Variants in TXNRD1 observed in about 807,000 individuals in gnomAD.
TXNRD1 encodes thioredoxin reductase 1, also known as thioredoxin reductase 1, cytoplasmic.
A neutral mutation model predicts 80.3 loss-of-function variants in TXNRD1; 57 were observed. The ratio of observed to expected loss-of-function variants is 0.71; its 90% CI spans 0.57 to 0.89. The LOEUF is 0.89. Ranked by LOEUF, TXNRD1 falls within the 40% of genes least tolerant of loss-of-function variation. The pLI, the probability that TXNRD1 is intolerant of heterozygous loss-of-function variation, is 0.00. For synonymous variants in TXNRD1, 291 were observed against 285.2 expected (o/e 1.02, Z -0.20); for missense variants, 730 against 803.0 (o/e 0.91, Z 1.10).
chr12:104,288,861 C>T (rs2034070561), intron 3 of TXNRD1, 70 bp from the exon 4 acceptor site: 1 of 1,612,734 alleles, frequency 6.2e-7, no homozygotes, highest in African/African-American at 1.3e-5. Context: ...GCCCCGCCCC[C>T]GGCGCAGTTC....
rs1330252182 is a variant in TXNRD1 at position 104,339,230 on chromosome 12, A to G, written c.1838A>G (p.Lys613Arg). ...GCGCTCAAATGTGGACTGACCAAAA[A>G]GCAGCTGGACAGCACAATTGGAATC... The part of the protein sequence containing the change: ...AAALKCGLTK[K>R]QLDSTIGIHP... The change falls in exon 16 of 17, where the codon AAG becomes AGG. Residue 613 changes from lysine (K) to arginine (R), a missense_variant. Transcript: ENST00000525566. The G allele has an allele frequency of 6.2e-7, 1 of 1,613,900 alleles. No individual in the cohort carries two copies. The highest frequency in any genetic ancestry group is 8.5e-7 in the Non-Finnish European group (1 of 1,179,900).
At chr12:104,226,105 C>T (rs1490652666) in intron 1 of TXNRD1, among the ~76,000 whole-genome samples, 1 of 151,932 alleles carries the variant, frequency 6.6e-6, no homozygotes, top group Non-Finnish European at 1.5e-5. Flanking sequence ...GAGGCTGAGG[C>T]AGGGGAATCA....
chr12:104,257,110 T>C (rs1450697377), intron 2 of TXNRD1, among the ~76,000 whole-genome samples: 2 of 152,008 alleles, frequency 1.3e-5, no homozygotes, highest in Non-Finnish European at 2.9e-5. Flanking sequence ...TGACAGGCTG[T>C]TTGTGTCTTG....
At chr12:104,320,029 G>A (rs183164287) in intron 9 of TXNRD1, among the ~76,000 whole-genome samples, 8 of 152,302 alleles carry the variant, frequency 5.3e-5, no homozygotes, top group Admixed American at 3.3e-4. Flanking sequence ...AGGCTGTCAG[G>A]CCATTTAGAT....
intron 1 of TXNRD1, among the ~76,000 whole-genome samples, chr12:104,240,137 C>A (rs1319045062): frequency 6.6e-6 from 1 of 152,102 alleles, no homozygotes; most frequent in East Asian, 1.9e-4. Context: ...CTTGTATTTT[C>A]TGGACAAGAT....
chr12:104,251,546 TA>T lies in TXNRD1; in HGVS notation c.115del (p.Thr39LeufsTer25). On this transcript the variant is annotated frameshift_variant, in exon 2 of 17. Transcript: ENST00000525566. LOFTEE classifies it high-confidence loss of function. The part of the protein sequence containing the change: ...RRSAKDHHPG[K>X]TLPENPAGFT... ...TTCTAGCTAAAGATCATCACCCTGG[TA>T]AAACTTTGCCAGAGAACCCAGCAGG... is the stretch of plus-strand genomic sequence containing the variant. The T allele has an allele frequency of 2.5e-6, 4 of 1,613,824 alleles. No individual in the cohort carries two copies. The highest frequency in any genetic ancestry group is 3.4e-6 in the Non-Finnish European group (4 of 1,179,840).
At chr12:104,281,427 G>A (rs2033876133) in intron 3 of TXNRD1, among the ~76,000 whole-genome samples, 1 of 91,266 alleles carries the variant, frequency 1.1e-5, no homozygotes, top group South Asian at 3.8e-4. Context: ...TTCTTTTTGA[G>A]ATGGAGTCTC....
chr12:104,281,681 C>T (rs1192187127), intron 3 of TXNRD1, among the ~76,000 whole-genome samples: 3 of 152,136 alleles, frequency 2.0e-5, no homozygotes, highest in Non-Finnish European at 4.4e-5. Flanking sequence ...GCTGGGATTA[C>T]AGACATGAGC....
chr12:104,283,529 C>T (rs1593748377), intron 3 of TXNRD1, among the ~76,000 whole-genome samples: 1 of 151,844 alleles, frequency 6.6e-6, no homozygotes, highest in Non-Finnish European at 1.5e-5. Flanking sequence ...GGATTTCAGC[C>T]GTGAGCCATT....
intron 4 of TXNRD1, among the ~76,000 whole-genome samples, chr12:104,305,448 A>G (rs189682684): frequency 1.3e-5 from 2 of 152,356 alleles, no homozygotes; most frequent in African/African-American, 4.8e-5. Flanking sequence ...TTTATGAGTG[A>G]GTATCCATAT....
At position 104,338,614 on chromosome 12, in the gene TXNRD1, T is replaced by G. The variant is rs1379779366; in HGVS notation, c.1747-525T>G. 4.1e-5 allele frequency among the ~76,000 whole-genome samples: 6 copies of G among 147,808 alleles called. No homozygotes were observed. The East Asian group carries it at 1.2e-3, about 29-fold the overall frequency. On this transcript the variant is annotated intron_variant, in intron 15 of 16. Transcript: ENST00000525566. ...CGGGAGGCTGAGGCAAGAGAATCGCTTGAATCCAGGAGGCGGAGGTTGCGG... is the reference window on the plus strand; with the variant it reads ...CGGGAGGCTGAGGCAAGAGAATCGCGTGAATCCAGGAGGCGGAGGTTGCGG...
At chr12:104,329,590 A>G (rs1255982315) in intron 13 of TXNRD1, among the ~76,000 whole-genome samples, 1 of 152,052 alleles carries the variant, frequency 6.6e-6, no homozygotes, top group Non-Finnish European at 1.5e-5. Context: ...TGAAGGCTGC[A>G]GTGAGCTGTG....
chr12:104,258,955 G>A (rs575219991), intron 3 of TXNRD1, among the ~76,000 whole-genome samples: 2 of 152,210 alleles, frequency 1.3e-5, no homozygotes, highest in East Asian at 1.9e-4. Flanking sequence ...TCTGCTAGTG[G>A]CCAGCACCAT....
chr12:104,228,592 T>C (rs562314761), intron 1 of TXNRD1, among the ~76,000 whole-genome samples: 1 of 152,066 alleles, frequency 6.6e-6, no homozygotes, highest in South Asian at 2.1e-4. Context: ...GATTGCACCA[T>C]TGCATTCCAG....
Position 104,348,434 on chromosome 12 carries a change from A to T in TXNRD1, c.*13A>T. ...CTGCTGAGGTTAAGCCCCAGTGTGG[A>T]TGCTGTTGCCAAGACTGCAAACCAC... On this transcript the variant is annotated 3_prime_UTR_variant, in exon 17 of 17. Coordinates refer to ENST00000525566, the MANE Select transcript of TXNRD1 (RefSeq NM_001093771.3). The T allele has an allele frequency of 6.2e-7, 1 of 1,613,774 alleles. No homozygotes were observed. The highest frequency in any genetic ancestry group is 8.5e-7 in the Non-Finnish European group (1 of 1,179,732).
chr12:104,311,998 A>G (rs1316335521), intron 5 of TXNRD1, among the ~76,000 whole-genome samples: 1 of 40,490 alleles, frequency 2.5e-5, no homozygotes, highest in Non-Finnish European at 7.1e-5. Flanking sequence ...ATATATATAT[A>G]TATGTGTATA....
At chr12:104,242,006 C>T (rs1460666158) in intron 1 of TXNRD1, among the ~76,000 whole-genome samples, 1 of 124,928 alleles carries the variant, frequency 8.0e-6, no homozygotes, top group Non-Finnish European at 1.6e-5. Context: ...GGCACGATCT[C>T]AGCTCACTGC....
rs576466299 is a variant in TXNRD1 at position 104,343,981 on chromosome 12, T to C, written c.1882-4372T>C. Among the ~76,000 whole-genome samples, 9 of 152,040 alleles carry C rather than the reference T, an allele frequency of 5.9e-5. No homozygotes were observed. The East Asian group carries it at 1.7e-3, about 29-fold the overall frequency. On this transcript the variant is annotated intron_variant, in intron 16 of 16. Transcript: ENST00000525566. ...GGCCTGATGTGGTGGTGCATACCTG[T>C]AGTCCCAGCTACTCAGGAGGCTGAG...
At position 104,332,388 on chromosome 12, in the gene TXNRD1, C is replaced by T. The variant is rs530598252; in HGVS notation, c.1650+747C>T. On this transcript the variant is annotated intron_variant, in intron 14 of 16. Coordinates refer to ENST00000525566, the MANE Select transcript of TXNRD1 (RefSeq NM_001093771.3). Reference sequence around the variant, plus strand: ...TAATAATCTTTTTCTTTATTACATGCACTGGTAGTAGCATGTAATATGTTG... The same window carrying T: ...TAATAATCTTTTTCTTTATTACATGTACTGGTAGTAGCATGTAATATGTTG... Among the ~76,000 whole-genome samples, 4 of 152,180 alleles carry T rather than the reference C, an allele frequency of 2.6e-5. No homozygotes were observed. In the South Asian group the frequency reaches 8.3e-4, roughly 32 times the overall value.
Sources: allele counts gnomAD v4.1 joint callset (sites outside exome capture counted in the v4.1 genomes callset), GRCh38; gene constraint gnomAD v4.1.1; transcripts MANE v1.5; gene names NCBI Gene and HGNC (gene_info 2026-07-23, HGNC 2026-07-21).